The following PIK3CB variants were observed in gnomAD, a reference collection of about 807,000 sequenced individuals.
PIK3CB encodes phosphatidylinositol-4,5-bisphosphate 3-kinase catalytic subunit beta, also known as phosphatidylinositol 4,5-bisphosphate 3-kinase catalytic subunit beta isoform.
In PIK3CB, 39 loss-of-function variants were observed where a neutral mutation model predicts 136.8. The observed-to-expected ratio is 0.29, with a 90% CI of 0.22 to 0.37. The LOEUF is 0.37. PIK3CB is among the 10% of genes least tolerant of loss of function. PIK3CB has a pLI of 1.00. For synonymous variants in PIK3CB, 428 were observed against 436.6 expected, an observed-to-expected ratio of 0.98 and a Z score of 0.25; for missense variants, 868 against 1,275.4, an observed-to-expected ratio of 0.68 and a Z score of 4.87.
At chr3:138,677,587 T>C (rs532925976) in intron 19 of PIK3CB, among the ~76,000 whole-genome samples, 1 of 152,244 alleles carries the variant, frequency 6.6e-6, no homozygotes, top group East Asian at 1.9e-4. Flanking sequence ...GGCTAAGTTA[T>C]GGATTAATTT....
At chr3:138,663,733 T>C (rs2043348805) in intron 21 of PIK3CB, among the ~76,000 whole-genome samples, 173 bp downstream of exon 21, 2 of 151,930 alleles carry the variant, frequency 1.3e-5, no homozygotes, top group African/African-American at 4.8e-5. Context: ...AGCAAACAAA[T>C]GAATACATGT....
At position 138,707,261 on chromosome 3, in the gene PIK3CB, C is replaced by T; in HGVS notation, c.1428G>A (p.Met476Ile). ...PDELEEMLNP[M>I]GTVQTNPYTE... ...TATATGGATTTGTTTGAACAGTTCC[C>T]ATTGGATTCAACATTTCTTCGAGTT... The change falls in exon 11 of 24, where the codon ATG (methionine) becomes ATA (isoleucine). Residue 476 changes from methionine to isoleucine, a missense_variant. This residue lies in a region of PIK3CB where 612 missense variants were observed against 801.1 expected (regional missense o/e 0.76). Transcript: ENST00000674063. The T allele has an allele frequency of 6.2e-7, 1 of 1,604,670 alleles. No individual in the cohort carries two copies. Among genetic ancestry groups the T allele is most frequent in the South Asian group, 1.1e-5 (1 of 88,746 alleles).
chr3:138,818,908 AATTATATAT>A (rs1933446544), intron 1 of PIK3CB, among the ~76,000 whole-genome samples: 1 of 152,186 alleles, frequency 6.6e-6, no homozygotes, highest in Admixed American at 6.6e-5. Flanking sequence ...CTTAGTACAA[AATTATATAT>A]ATGCTAATGG....
chr3:138,678,085 C>A (rs1274691376), intron 19 of PIK3CB, among the ~76,000 whole-genome samples: 1 of 151,956 alleles, frequency 6.6e-6, no homozygotes, highest in Non-Finnish European at 1.5e-5. Context: ...CCAGAGAGAG[C>A]AACATAGTGA....
intron 19 of PIK3CB, among the ~76,000 whole-genome samples, chr3:138,676,777 A>G (rs997798607): frequency 2.0e-5 from 3 of 152,164 alleles, no homozygotes; most frequent in Non-Finnish European, 2.9e-5. Flanking sequence ...CATTTATATA[A>G]AATGTCCAAA....
intron 4 of PIK3CB, among the ~76,000 whole-genome samples, chr3:138,755,359 C>T (rs1445016619): frequency 6.6e-6 from 1 of 152,118 alleles, no homozygotes; most frequent in Non-Finnish European, 1.5e-5. Context: ...AAAAATAAAT[C>T]AGCCATGCAC....
chr3:138,676,407 A>C (rs577180243), intron 19 of PIK3CB, among the ~76,000 whole-genome samples: 4 of 152,344 alleles, frequency 2.6e-5, no homozygotes, highest in African/African-American at 7.2e-5. Context: ...AAACAGTTTG[A>C]TAGTTTCTCA....
rs535505117 is a variant in PIK3CB, at chr3:138,724,471, A to G, written c.1050+8890T>C. Among the ~76,000 whole-genome samples the G allele has an allele frequency of 1.1e-3, 171 of 152,198 alleles. 1 individual carries two copies. The highest frequency in any genetic ancestry group is 4.0e-3 in the African/African-American group (168 of 41,528). ...TTTTATGGAGGAGGCTCCATTAAGT[A>G]GGTATGGTTATTAAGTCATTGGCCA... is the stretch of plus-strand genomic sequence containing the variant. On this transcript the variant is annotated intron_variant, in intron 8 of 23. Coordinates refer to ENST00000674063, the MANE Select transcript of PIK3CB (RefSeq NM_006219.3).
At chr3:138,830,003 A>G (rs1290872225) in intron 1 of PIK3CB, among the ~76,000 whole-genome samples, 2 of 152,164 alleles carry the variant, frequency 1.3e-5, no homozygotes, top group African/African-American at 2.4e-5. Context: ...CTAAAAATAA[A>G]TAAATAAACC....
At chr3:138,811,126 C>T (rs1320205286) in intron 1 of PIK3CB, among the ~76,000 whole-genome samples, 2 of 148,856 alleles carry the variant, frequency 1.3e-5, no homozygotes, top group African/African-American at 2.5e-5. Context: ...ACTCAGGAGG[C>T]TGAGGCAGGA....
intron 5 of PIK3CB, among the ~76,000 whole-genome samples, chr3:138,738,426 C>G (rs534224301): frequency 2.0e-5 from 3 of 152,172 alleles, no homozygotes; most frequent in Non-Finnish European, 2.9e-5. Flanking sequence ...CTGCCTCAGC[C>G]TCCCAAAGTG....
chr3:138,770,339 AATG>A (rs1421148018), intron 2 of PIK3CB: 1 of 152,230 alleles, frequency 6.6e-6, no homozygotes, highest in East Asian at 1.9e-4. Context: ...CTTTACATCT[AATG>A]ATAAGCAGAA....
intron 2 of PIK3CB, among the ~76,000 whole-genome samples, chr3:138,789,535 AGAAAT>A (rs2046024811): frequency 6.6e-6 from 1 of 152,222 alleles, no homozygotes; most frequent in Non-Finnish European, 1.5e-5. Context: ...TGTATGCAAA[AGAAAT>A]GAAAGCAGGG....
intron 16 of PIK3CB, among the ~76,000 whole-genome samples, chr3:138,685,960 A>C (rs544335377): frequency 1.6e-4 from 25 of 152,014 alleles, no homozygotes; most frequent in Non-Finnish European, 2.8e-4. Context: ...AACATGGAGA[A>C]ACCCCCTATC....
intron 10 of PIK3CB, among the ~76,000 whole-genome samples, chr3:138,709,308 T>G (rs2044445715): frequency 7.8e-6 from 1 of 128,984 alleles, no homozygotes; most frequent in Admixed American, 8.7e-5. Flanking sequence ...AAAAAAAATC[T>G]AACAGTCCAG....
At chr3:138,739,029 C>T (rs2108658659) in intron 5 of PIK3CB, among the ~76,000 whole-genome samples, 1 of 152,152 alleles carries the variant, frequency 6.6e-6, no homozygotes, top group Middle Eastern at 3.4e-3. Flanking sequence ...TTTGTGTCTC[C>T]CCTGGCGAAT....
chr3:138,740,012 T>C (rs542423121), intron 5 of PIK3CB, among the ~76,000 whole-genome samples: 48 of 151,674 alleles, frequency 3.2e-4, no homozygotes, highest in African/African-American at 9.4e-4. Context: ...GCAATCCTCA[T>C]AAGACACGGA....
chr3:138,677,570 A>G (rs1289682649), intron 19 of PIK3CB, among the ~76,000 whole-genome samples: 2 of 152,242 alleles, frequency 1.3e-5, no homozygotes, highest in Non-Finnish European at 2.9e-5. Flanking sequence ...ATAATGATCA[A>G]GAAGAGGGCT....
intron 1 of PIK3CB, among the ~76,000 whole-genome samples, chr3:138,826,502 T>G (rs1388635945): frequency 2.3e-5 from 3 of 129,410 alleles, no homozygotes; most frequent in African/African-American, 1.3e-4. Context: ...CATTTGGGTT[T>G]TTTTTTTTTT....
Sources: allele counts gnomAD v4.1 joint callset (sites outside exome capture counted in the v4.1 genomes callset), GRCh38; gene constraint gnomAD v4.1.1; regional missense constraint gnomAD v4.1.1; transcripts MANE v1.5; gene names NCBI Gene and HGNC (gene_info 2026-07-23, HGNC 2026-07-21).